Variants in ZDHHC15 observed in about 807,000 individuals in gnomAD.
ZDHHC15 encodes palmitoyltransferase ZDHHC15.
ZDHHC15 carries 19 observed loss-of-function variants against 31.7 expected under a neutral mutation model. The ratio of observed to expected loss-of-function variants is 0.60; its 90% CI spans 0.42 to 0.88. The LOEUF is 0.88. Among genes scored for constraint, ZDHHC15 ranks in the 40% least tolerant of loss-of-function variants. ZDHHC15 has a pLI of 0.00. For synonymous variants in ZDHHC15, 103 were observed against 90.0 expected (o/e 1.14, Z -0.82); for missense variants, 209 against 251.2 (o/e 0.83, Z 1.14).
At chrX:75,495,499 C>T in intron 2 of ZDHHC15, among the ~76,000 whole-genome samples, 1 of 110,687 alleles carries the variant, frequency 9.0e-6, no homozygotes, top group South Asian at 3.9e-4. Context: ...TATTGCGGCA[C>T]TATTCACAAC....
intron 1 of ZDHHC15, among the ~76,000 whole-genome samples, chrX:75,508,515 T>C (rs1007079782): frequency 1.8e-5 from 2 of 109,351 alleles, no homozygotes; most frequent in Non-Finnish European, 3.8e-5. Context: ...CCATGGTGTA[T>C]ATGTGCCACA....
intron 1 of ZDHHC15, among the ~76,000 whole-genome samples, chrX:75,506,206 T>A (rs1333256848): frequency 1.8e-5 from 2 of 111,823 alleles, no homozygotes; most frequent in Non-Finnish European, 3.8e-5. Flanking sequence ...TTTTTTATTA[T>A]TATTATACTT....
intron 4 of ZDHHC15, among the ~76,000 whole-genome samples, chrX:75,442,441 C>A (rs1263425932): frequency 1.8e-5 from 2 of 111,935 alleles, no homozygotes; most frequent in East Asian, 2.8e-4. Context: ...AGCTGATATG[C>A]AACCTCAGCA....
intron 10 of ZDHHC15, chrX:75,384,219 G>A: frequency 4.4e-6 from 2 of 459,380 alleles, no homozygotes. Flanking sequence ...GTAATCAAAA[G>A]TATACAACTC....
intron 1 of ZDHHC15, among the ~76,000 whole-genome samples, chrX:75,516,735 T>C (rs1426344076): frequency 9.0e-6 from 1 of 111,380 alleles, no homozygotes; most frequent in Non-Finnish European, 1.9e-5. Context: ...AATAGACAAA[T>C]GGGATCTAAT....
chrX:75,446,119 A>C (rs906093079), intron 4 of ZDHHC15, among the ~76,000 whole-genome samples: 9 of 112,272 alleles, frequency 8.0e-5, no homozygotes, highest in African/African-American at 2.9e-4. Flanking sequence ...ATAGAAATCT[A>C]GGGAACATAG....
intron 3 of ZDHHC15, among the ~76,000 whole-genome samples, chrX:75,471,505 GC>G (rs1359865150): frequency 1.8e-4 from 20 of 112,013 alleles, no homozygotes; most frequent in African/African-American, 6.5e-4. Flanking sequence ...GTGGTGTGAG[GC>G]CGTCAAAATA....
At chrX:75,454,116 A>T (rs913745863) in intron 3 of ZDHHC15, among the ~76,000 whole-genome samples, 1 of 111,788 alleles carries the variant, frequency 8.9e-6, no homozygotes, top group African/African-American at 3.3e-5. Context: ...TTTGCAGATG[A>T]CATGATTGTA....
chrX:75,400,336 C>A (rs2083343224), intron 10 of ZDHHC15, among the ~76,000 whole-genome samples: 1 of 111,629 alleles, frequency 9.0e-6, no homozygotes, highest in African/African-American at 3.3e-5. Context: ...ACAATGCAAT[C>A]ACAAATACTA....
intron 10 of ZDHHC15, among the ~76,000 whole-genome samples, chrX:75,412,356 G>A (rs919933411): frequency 4.5e-5 from 5 of 111,651 alleles, no homozygotes; most frequent in African/African-American, 1.6e-4. Flanking sequence ...CCGTAACTAA[G>A]CTATGGAAAC....
chrX:75,500,492 T>C (rs989819811), intron 2 of ZDHHC15, among the ~76,000 whole-genome samples: 6 of 109,445 alleles, frequency 5.5e-5, no homozygotes, highest in African/African-American at 2.0e-4. Flanking sequence ...CTTATATGTT[T>C]CTATGTGAAT....
At chrX:75,469,167 C>T (rs2147954300) in intron 3 of ZDHHC15, among the ~76,000 whole-genome samples, 1 of 111,461 alleles carries the variant, frequency 9.0e-6, no homozygotes, top group African/African-American at 3.3e-5. Context: ...AAGATTTTCC[C>T]CTAAGTTTTA....
At chrX:75,445,243 G>A (rs1384102358) in intron 4 of ZDHHC15, among the ~76,000 whole-genome samples, 2 of 111,390 alleles carry the variant, frequency 1.8e-5, no homozygotes, top group Non-Finnish European at 3.8e-5. Context: ...TTTCTGAATT[G>A]GTTCTGAAGT....
intron 4 of ZDHHC15, among the ~76,000 whole-genome samples, chrX:75,448,234 A>C (rs1448016500): frequency 8.9e-6 from 1 of 112,323 alleles, no homozygotes; most frequent in African/African-American, 3.2e-5. Flanking sequence ...AGGACTACTA[A>C]TGACCCAGAC....
intron 4 of ZDHHC15, among the ~76,000 whole-genome samples, chrX:75,438,344 C>T (rs1459330796): frequency 9.0e-6 from 1 of 111,512 alleles, no homozygotes; most frequent in Non-Finnish European, 1.9e-5. Flanking sequence ...TTGTGGGCTC[C>T]AGTATTAGGT....
intron 1 of ZDHHC15, among the ~76,000 whole-genome samples, chrX:75,521,700 GAGTAGAAAAT>G (rs2085444333): frequency 9.0e-6 from 1 of 111,033 alleles, no homozygotes; most frequent in Non-Finnish European, 1.9e-5. Context: ...CCATTGGGAG[GAGTAGAAAAT>G]ATTAGAAACC....
intron 2 of ZDHHC15, among the ~76,000 whole-genome samples, chrX:75,485,024 C>G (rs1041704204): frequency 9.0e-6 from 1 of 111,390 alleles, no homozygotes; most frequent in Admixed American, 9.6e-5. Context: ...ACTAAAGGGA[C>G]AGAAAACAGA....
At position 75,505,861 on chromosome X, in the gene ZDHHC15, G is replaced by C; in HGVS notation, c.137-14C>G. On this transcript the variant is annotated splice_polypyrimidine_tract_variant and intron_variant, in intron 1 of 11. Transcript: ENST00000373367. ...TCAAAACAGTCACTGTGAAGAGACAGGAGAAAGAGAGACAGACAGACAGAC... is the reference window on the plus strand; with the variant it reads ...TCAAAACAGTCACTGTGAAGAGACACGAGAAAGAGAGACAGACAGACAGAC... 8.4e-7 allele frequency: 1 copy of C among 1,193,862 alleles called. No homozygotes were observed. The highest frequency in any genetic ancestry group is 1.1e-6 in the Non-Finnish European group (1 of 880,072).
chrX:75,449,107 CT>C (rs1274670339), intron 4 of ZDHHC15, among the ~76,000 whole-genome samples: 1 of 109,262 alleles, frequency 9.2e-6, no homozygotes, highest in Non-Finnish European at 1.9e-5. Context: ...ACATTACCAG[CT>C]TTCCTGATTC....
Sources: allele counts gnomAD v4.1 joint callset (sites outside exome capture counted in the v4.1 genomes callset), GRCh38; gene constraint gnomAD v4.1.1; transcripts MANE v1.5; gene names NCBI Gene and HGNC (gene_info 2026-07-23, HGNC 2026-07-21).